The following LMO4 variants were observed in gnomAD, a reference collection of about 807,000 sequenced individuals.
The protein encoded by LMO4 is LIM domain transcription factor LMO4.
LMO4 carries 3 observed loss-of-function variants against 18.5 expected under a neutral mutation model. The observed-to-expected ratio is 0.16, with a 90% CI of 0.07 to 0.42. The LOEUF (loss-of-function observed/expected upper bound fraction) is 0.42, where lower values mean the gene tolerates loss of function less well. Ranked by LOEUF, LMO4 falls within the 10% of genes least tolerant of loss-of-function variation. LMO4 has a pLI of 0.99. For synonymous variants in LMO4, 100 were observed against 88.1 expected (o/e 1.14, Z -0.76); for missense variants, 121 against 219.9 (o/e 0.55, Z 2.84).
intron 2 of LMO4, among the ~76,000 whole-genome samples, chr1:87,336,857 C>T (rs896136619): frequency 5.9e-5 from 9 of 152,210 alleles, no homozygotes; most frequent in Admixed American, 4.6e-4. Context: ...ATAGTCCAGT[C>T]TGAGACCGAT....
chr1:87,331,756 G>C (rs1268201196), intron 1 of LMO4: 2 of 502,106 alleles, frequency 4.0e-6, no homozygotes, highest in Admixed American at 3.7e-5. Context: ...AATTGTCAGC[G>C]GCGGCAAGCG....
At chr1:87,334,720 G>A (rs1274689233) in intron 2 of LMO4, among the ~76,000 whole-genome samples, 6 of 152,092 alleles carry the variant, frequency 3.9e-5, no homozygotes, top group African/African-American at 1.4e-4. Context: ...GGGGGAGGGG[G>A]CTGCAAGATG....
rs20570 is a variant in LMO4 at position 87,340,139 on chromosome 1, T to A, written c.426T>A (p.Pro142=). 12,190 of 1,614,088 alleles carry A rather than the reference T, an allele frequency of 7.6e-3. 436 individuals carry two copies. In the African/African-American group the frequency reaches 0.11, roughly 14 times the overall value. ...GTTTATTTTGTGAACATGATAGACC[T>A]ACAGCTCTCATCAATGGCCATTTGA... ...NGSLFCEHDR[P]TALINGHLNS... The change falls in exon 4 of 5, where the codon CCT becomes CCA. Residue 142 remains proline (P), a synonymous_variant. Transcript: ENST00000370544.
At chr1:87,335,921 TA>T (rs1470542986) in intron 2 of LMO4, among the ~76,000 whole-genome samples, 1 of 151,854 alleles carries the variant, frequency 6.6e-6, no homozygotes, top group East Asian at 1.9e-4. Flanking sequence ...GCATGCAATT[TA>T]GGGGGAACGT....
intron 4 of LMO4, among the ~76,000 whole-genome samples, chr1:87,342,392 T>C (rs1334389586): frequency 1.3e-5 from 2 of 152,172 alleles, no homozygotes; most frequent in Non-Finnish European, 2.9e-5. Flanking sequence ...TGAGATTACA[T>C]GTCTTATGCC....
Position 87,345,417 on chromosome 1 carries a change from A to T in LMO4, c.*621A>T, listed in dbSNP as rs915063143. 5.9e-5 allele frequency: 9 copies of T among 151,906 alleles called. No individual in the cohort carries two copies. The highest frequency in any genetic ancestry group is 5.2e-4 in the Admixed American group (8 of 15,282). The allele number at this position is 151,906 out of a possible 1,614,324, so 9.4% of individuals were successfully genotyped here. A position where few individuals can be genotyped will look rare whatever the true frequency, so the allele number is the denominator to read the frequency against. ...AAAAAAGAATGAAAAAAAGAAAAAAATTTGGAAAAAAAAATCAGGCTCATA... is the reference window on the plus strand; with the variant it reads ...AAAAAAGAATGAAAAAAAGAAAAAATTTTGGAAAAAAAAATCAGGCTCATA... On this transcript the variant is annotated 3_prime_UTR_variant, in exon 5 of 5. Coordinates refer to ENST00000370544, the MANE Select transcript of LMO4 (RefSeq NM_006769.4).
chr1:87,337,720 C>G (rs1269000480), intron 2 of LMO4, among the ~76,000 whole-genome samples: 1 of 152,192 alleles, frequency 6.6e-6, no homozygotes, highest in Non-Finnish European at 1.5e-5. Context: ...TAAATGCTTT[C>G]CTCAGGGCCA....
intron 2 of LMO4, among the ~76,000 whole-genome samples, chr1:87,336,505 C>T (rs932767273): frequency 6.6e-6 from 1 of 152,206 alleles, no homozygotes; most frequent in Non-Finnish European, 1.5e-5. Flanking sequence ...ACGATTTGCC[C>T]TCCATCTCTT....
At chr1:87,341,033 C>G (rs954933078) in intron 4 of LMO4, among the ~76,000 whole-genome samples, 1 of 152,170 alleles carries the variant, frequency 6.6e-6, no homozygotes, top group Non-Finnish European at 1.5e-5. Context: ...TATAGCTATG[C>G]AAGTGAGTGC....
In LMO4 at chr1:87,332,135, C is replaced by G. The variant is rs748533412; in HGVS notation, c.120C>G (p.Asp40Glu). 2.5e-6 allele frequency: 4 copies of G among 1,614,222 alleles called. No homozygotes were observed. The highest frequency in any genetic ancestry group is 3.4e-6 in the Non-Finnish European group (4 of 1,180,042). Reference sequence around the variant, plus strand: ...ACCGCTTTCTGCTCTATGCCATGGACAGCTATTGGCACAGCCGGTGCCTCA... The same window carrying G: ...ACCGCTTTCTGCTCTATGCCATGGAGAGCTATTGGCACAGCCGGTGCCTCA... ...IADRFLLYAMDSYWHSRCLKC... is the reference protein window; with the variant it reads ...IADRFLLYAMESYWHSRCLKC... The change falls in exon 2 of 5, where the codon GAC becomes GAG. Residue 40 changes from aspartate to glutamate, a missense_variant. Asp to Glu is a conservative substitution (Grantham distance 45). Coordinates refer to ENST00000370544, the MANE Select transcript of LMO4 (RefSeq NM_006769.4).
chr1:87,341,039 A>C (rs1650459578), intron 4 of LMO4, among the ~76,000 whole-genome samples: 1 of 152,228 alleles, frequency 6.6e-6, no homozygotes, highest in Admixed American at 6.5e-5. Context: ...TATGCAAGTG[A>C]GTGCATTTTG....
chr1:87,344,960 T>C lies in LMO4; in HGVS notation c.*164T>C. 1.6e-6 allele frequency: 1 copy of C among 618,906 alleles called. No homozygotes were observed. The highest frequency in any genetic ancestry group is 2.0e-5 in the South Asian group (1 of 49,306). 38.3% of individuals were successfully genotyped at this position (618,906 alleles called of 1,614,324 possible). ...TGATTGCCCTTCCCGCATTTATTGG[T>C]GTATTAAAATGACTGAATATGAACA... is the stretch of plus-strand genomic sequence containing the variant. On this transcript the variant is annotated 3_prime_UTR_variant, in exon 5 of 5. Coordinates refer to ENST00000370544, the MANE Select transcript of LMO4 (RefSeq NM_006769.4).
In LMO4 at chr1:87,339,607, C is replaced by T; in HGVS notation, c.308C>T (p.Ala103Val). ...CCTGCGAGTGAACTCGTCATGAGGG[C>T]GCAAGGCAATGTGTATCATCTTAAG... ...SIPASELVMR[A>V]QGNVYHLKCF... Residue 103 changes from alanine to valine, a missense_variant, in exon 3 of 5, where the codon GCG becomes GTG. Ala to Val is a moderately conservative substitution (Grantham distance 64, BLOSUM62 0). This residue lies in a region of LMO4 where 62 missense variants were observed against 128.8 expected (regional missense o/e 0.48). Coordinates refer to ENST00000370544, the MANE Select transcript of LMO4 (RefSeq NM_006769.4). 1 of 1,612,334 alleles carries T rather than the reference C, an allele frequency of 6.2e-7. No homozygotes were observed.
chr1:87,335,300 G>C (rs1012795315), intron 2 of LMO4, among the ~76,000 whole-genome samples: 1 of 152,174 alleles, frequency 6.6e-6, no homozygotes, highest in African/African-American at 2.4e-5. Flanking sequence ...TCGGAGACCG[G>C]CGGGTGGGGC....
chr1:87,347,883 T>G lies in LMO4; in HGVS notation c.*3087T>G, dbSNP rs1288245129. 2.0e-5 allele frequency: 3 copies of G among 152,222 alleles called. No homozygotes were observed. Among genetic ancestry groups the G allele is most frequent in the Non-Finnish European group, 4.4e-5 (3 of 68,036 alleles). The allele number at this position is 152,222 out of a possible 1,614,324, so 9.4% of individuals were successfully genotyped here. A position where few individuals can be genotyped will look rare whatever the true frequency, so the allele number is the denominator to read the frequency against. Reference sequence around the variant, plus strand: ...AAACTATTTTCAGCTCTTCATGATTTATTAGGAAATAGTTTAACCCGGACT... The same window carrying G: ...AAACTATTTTCAGCTCTTCATGATTGATTAGGAAATAGTTTAACCCGGACT... On this transcript the variant is annotated 3_prime_UTR_variant, in exon 5 of 5. Transcript: ENST00000370544.
chr1:87,339,997 AAAG>A (rs1429349297), intron 3 of LMO4, 47 bp from the exon 4 acceptor site: 1 of 1,592,206 alleles, frequency 6.3e-7, no homozygotes, highest in Non-Finnish European at 8.6e-7. Context: ...GTGACCAAAA[AAAG>A]ACTTAATTTT....
intron 2 of LMO4, among the ~76,000 whole-genome samples, chr1:87,334,973 C>T (rs1488386937): frequency 2.0e-5 from 3 of 147,494 alleles, no homozygotes; most frequent in African/African-American, 7.6e-5. Context: ...TGAATGAGAG[C>T]TGCGTCGCAA....
Position 87,340,270 on chromosome 1 carries a change from C to T in LMO4, c.489+68C>T, listed in dbSNP as rs1650440201. 63 of 1,476,266 alleles carry T rather than the reference C, an allele frequency of 4.3e-5. 2 individuals are homozygous for T. The South Asian group carries it at 7.6e-4, about 18-fold the overall frequency. The allele number at this position is 1,476,266 out of a possible 1,614,324, so 91.4% of individuals were successfully genotyped here. A position where few individuals can be genotyped will look rare whatever the true frequency, so the allele number is the denominator to read the frequency against. ...TGGAAGGTTCAACCTCTTAACCTAGCAAGAGAGTTTTCTTGGGTGGTTGTA... is the reference window on the plus strand; with the variant it reads ...TGGAAGGTTCAACCTCTTAACCTAGTAAGAGAGTTTTCTTGGGTGGTTGTA... On this transcript the variant is annotated intron_variant, in intron 4 of 4. Coordinates refer to ENST00000370544, the MANE Select transcript of LMO4 (RefSeq NM_006769.4).
intron 3 of LMO4, 136 bp downstream of exon 3, chr1:87,339,768 C>A: frequency 2.9e-6 from 2 of 682,306 alleles, no homozygotes; most frequent in Non-Finnish European, 5.1e-6. Context: ...GAAATTGTAG[C>A]ATGGCAGTGA....
Sources: allele counts gnomAD v4.1 joint callset (sites outside exome capture counted in the v4.1 genomes callset), GRCh38; gene constraint gnomAD v4.1.1; regional missense constraint gnomAD v4.1.1; transcripts MANE v1.5; gene names NCBI Gene and HGNC (gene_info 2026-07-23, HGNC 2026-07-21).